ASIP: variants seen among roughly 807,000 people sequenced by gnomAD.
ASIP encodes agouti signaling protein, also known as agouti-signaling protein.
A neutral mutation model predicts 10.3 loss-of-function variants in ASIP; 11 were observed. The ratio of observed to expected loss-of-function variants is 1.07; its 90% CI spans 0.68 to 1.78. The LOEUF (loss-of-function observed/expected upper bound fraction) is 1.78. ASIP is among the 40% of genes most tolerant of loss of function. The probability of loss-of-function intolerance (pLI) is 0.00; values close to 1 mark genes in which losing one functional copy is unlikely to be tolerated. For missense variants in ASIP, 180 were observed against 169.2 expected (o/e 1.06, Z -0.35); for synonymous variants, 70 against 70.8 (o/e 0.99, Z 0.06).
chr20:34,201,020 C>CCTTCCTTCCTTCCT, intron 1 of ASIP, among the ~76,000 whole-genome samples: 1 of 78,680 alleles, frequency 1.3e-5, no homozygotes, highest in Admixed American at 1.4e-4. Flanking sequence ...TTCCTTCCTT[C>CCTTCCTTCCTTCCT]TTTCTTTCTT....
chr20:34,253,963 T>C (rs2035526596), intron 1 of ASIP, among the ~76,000 whole-genome samples: 1 of 152,198 alleles, frequency 6.6e-6, no homozygotes. Context: ...ACACATCAAA[T>C]AACAGTCTTC....
At chr20:34,261,682 G>T (rs1009427631) in intron 2 of ASIP, among the ~76,000 whole-genome samples, 1 of 151,984 alleles carries the variant, frequency 6.6e-6, no homozygotes, top group African/African-American at 2.4e-5. Context: ...CATGCCTATG[G>T]TTCCAGCTAT....
At chr20:34,261,838 C>T (rs1047899124) in intron 2 of ASIP, among the ~76,000 whole-genome samples, 1 of 151,750 alleles carries the variant, frequency 6.6e-6, no homozygotes, top group Non-Finnish European at 1.5e-5. Context: ...ATCGGCCAGG[C>T]GCGGTGGCTC....
intron 1 of ASIP, among the ~76,000 whole-genome samples, chr20:34,250,742 C>T (rs1201010036): frequency 6.6e-6 from 1 of 151,922 alleles, no homozygotes; most frequent in African/African-American, 2.4e-5. Flanking sequence ...GGTGCCTTTG[C>T]CTCTTCTTCC....
upstream of ASIP, among the ~76,000 whole-genome samples, chr20:34,192,527 T>TC (rs1488664589): frequency 6.6e-6 from 1 of 151,284 alleles, no homozygotes; most frequent in African/African-American, 2.4e-5. Flanking sequence ...TCTTCTTTTT[T>TC]TTTTTTTCCT....
intron 1 of ASIP, among the ~76,000 whole-genome samples, chr20:34,227,500 G>A (rs992568557): frequency 1.3e-5 from 2 of 151,904 alleles, no homozygotes; most frequent in Non-Finnish European, 2.9e-5. Flanking sequence ...GCATGATGGT[G>A]CACACCTGCA....
chr20:34,197,550 G>C (rs1443973154), intron 1 of ASIP, among the ~76,000 whole-genome samples: 1 of 152,176 alleles, frequency 6.6e-6, no homozygotes, highest in African/African-American at 2.4e-5. Flanking sequence ...TACACCCCGT[G>C]TGCATCCAGG....
intron 1 of ASIP, among the ~76,000 whole-genome samples, chr20:34,198,665 T>C (rs1408191469): frequency 6.6e-6 from 1 of 151,994 alleles, no homozygotes; most frequent in African/African-American, 2.4e-5. Flanking sequence ...TTTAAATTTT[T>C]TGTAGAGATA....
intron 1 of ASIP, among the ~76,000 whole-genome samples, chr20:34,235,781 A>G (rs2035173666): frequency 7.8e-6 from 1 of 128,718 alleles, no homozygotes; most frequent in Admixed American, 8.6e-5. Context: ...TGAGACTCTG[A>G]GAAAGAAGAA....
At chr20:34,261,268 G>C (rs952607438) in intron 2 of ASIP, among the ~76,000 whole-genome samples, 4 of 152,048 alleles carry the variant, frequency 2.6e-5, no homozygotes, top group Non-Finnish European at 5.9e-5. Context: ...GAAGCTGGAG[G>C]CATGAGGATT....
intron 3 of ASIP, among the ~76,000 whole-genome samples, chr20:34,267,150 G>T (rs1163540992): frequency 6.6e-6 from 1 of 152,118 alleles, no homozygotes; most frequent in Non-Finnish European, 1.5e-5. Flanking sequence ...GAATAAGAAA[G>T]ATATATCTTA....
At chr20:34,267,480 A>G (rs1198446774) in intron 3 of ASIP, among the ~76,000 whole-genome samples, 16 of 151,454 alleles carry the variant, frequency 1.1e-4, no homozygotes, top group African/African-American at 3.6e-4. Flanking sequence ...AAAAAAAAAA[A>G]AAAGAACTGT....
At chr20:34,192,746 C>A (rs1390362325), upstream of ASIP, among the ~76,000 whole-genome samples, 1 of 152,118 alleles carries the variant, frequency 6.6e-6, no homozygotes, top group Non-Finnish European at 1.5e-5. Context: ...TTGGGGCCTG[C>A]CTCAGATTGG....
At chr20:34,196,248 C>T (rs990174345) in intron 1 of ASIP, among the ~76,000 whole-genome samples, 2 of 137,648 alleles carry the variant, frequency 1.5e-5, no homozygotes, top group Non-Finnish European at 3.0e-5. Context: ...GACGTGATCT[C>T]GGCTCACTGC....
chr20:34,225,391 C>T (rs1274556445), intron 1 of ASIP, among the ~76,000 whole-genome samples: 1 of 149,660 alleles, frequency 6.7e-6, no homozygotes. Flanking sequence ...TACTTTTAGA[C>T]TTTATTTTGT....
At chr20:34,207,892 C>T (rs2034947839) in intron 1 of ASIP, among the ~76,000 whole-genome samples, 1 of 151,962 alleles carries the variant, frequency 6.6e-6, no homozygotes, top group African/African-American at 2.4e-5. Context: ...CAGGTTCATG[C>T]CATTCTCCTG....
chr20:34,251,412 A>G (rs1280957051), intron 1 of ASIP, among the ~76,000 whole-genome samples: 1 of 151,902 alleles, frequency 6.6e-6, no homozygotes, highest in Non-Finnish European at 1.5e-5. Context: ...CTGGGACTAC[A>G]GGTGCCCGCC....
intron 1 of ASIP, among the ~76,000 whole-genome samples, chr20:34,198,649 C>A (rs1443859732): frequency 6.6e-6 from 1 of 151,932 alleles, no homozygotes; most frequent in Non-Finnish European, 1.5e-5. Context: ...CCATGCCCAG[C>A]TAATTTTTAA....
upstream of ASIP, among the ~76,000 whole-genome samples, chr20:34,240,533 A>T (rs2035270465): frequency 6.6e-6 from 1 of 152,204 alleles, no homozygotes. Context: ...TGAAATCTGA[A>T]AATTATGAGA....
Sources: gnomAD v4.1 joint callset for allele counts (sites outside exome capture counted in the v4.1 genomes callset) on GRCh38, gnomAD v4.1.1 for gene constraint, MANE v1.5 for transcripts, NCBI Gene and HGNC (gene_info 2026-07-23, HGNC 2026-07-21) for gene names.